KCNAB1: variants seen among roughly 807,000 people sequenced by gnomAD.
The protein encoded by KCNAB1 is voltage-gated potassium channel subunit beta-1.
A neutral mutation model predicts 64.6 loss-of-function variants in KCNAB1; 35 were observed. The ratio of observed to expected loss-of-function variants is 0.54; its 90% confidence interval spans 0.41 to 0.72. The LOEUF (loss-of-function observed/expected upper bound fraction) is 0.72. KCNAB1 is among the 30% of genes least tolerant of loss of function. KCNAB1 has a pLI of 0.00. For missense variants in KCNAB1, 401 were observed against 512.9 expected, an observed-to-expected ratio of 0.78 and a Z score of 2.11; for synonymous variants, 177 against 183.8, an observed-to-expected ratio of 0.96 and a Z score of 0.30.
In KCNAB1 at chr3:156,240,663, A is replaced by C. The variant is rs564593895; in HGVS notation, c.275+119777A>C. ...CCATCCTATCCGCTTCTCCTCACTT[A>C]TTCTCCTGGTTTAATTATGCTCCAA... On this transcript the variant is annotated intron_variant, in intron 1 of 13. Coordinates refer to ENST00000490337, the MANE Select transcript of KCNAB1 (RefSeq NM_172160.3). 7.9e-5 allele frequency among the ~76,000 whole-genome samples: 12 copies of C among 152,276 alleles called. No homozygotes were observed. The East Asian group carries it at 2.1e-3, about 27-fold the overall frequency.
chr3:156,246,472 G>A (rs371546396), intron 1 of KCNAB1, among the ~76,000 whole-genome samples: 29 of 152,026 alleles, frequency 1.9e-4, no homozygotes, highest in Admixed American at 6.5e-4. Context: ...GTGTGGTGGC[G>A]CATGCCTGTA....
chr3:156,211,802 G>A (rs1012453653), intron 1 of KCNAB1, among the ~76,000 whole-genome samples: 1 of 152,206 alleles, frequency 6.6e-6, no homozygotes, highest in East Asian at 1.9e-4. Flanking sequence ...GACAGTCCAG[G>A]TGGTGTCTGA....
chr3:156,321,129 G>C (rs28413487), intron 1 of KCNAB1, among the ~76,000 whole-genome samples: 56,059 of 152,022 alleles, frequency 0.37, 13,165 homozygotes, highest in African/African-American at 0.68. Flanking sequence ...CCAGACCCCT[G>C]TCTGTAGTGC....
intron 13 of KCNAB1, among the ~76,000 whole-genome samples, chr3:156,535,594 C>G (rs1719000603): frequency 6.6e-6 from 1 of 152,188 alleles, no homozygotes; most frequent in South Asian, 2.1e-4. Context: ...ACTTTACACT[C>G]AACACATCCT....
At chr3:156,451,161 A>C (rs1711975839) in intron 2 of KCNAB1, among the ~76,000 whole-genome samples, 1 of 152,232 alleles carries the variant, frequency 6.6e-6, no homozygotes, top group Non-Finnish European at 1.5e-5. Flanking sequence ...AAATCTTCTA[A>C]TTGTTTAAAT....
chr3:156,423,392 A>G (rs1204197061), intron 2 of KCNAB1, among the ~76,000 whole-genome samples: 1 of 152,246 alleles, frequency 6.6e-6, no homozygotes, highest in East Asian at 1.9e-4. Flanking sequence ...TGAGGCTAGT[A>G]GGGCGATTGA....
chr3:156,171,071 A>G (rs1711946849), intron 1 of KCNAB1, among the ~76,000 whole-genome samples: 1 of 152,068 alleles, frequency 6.6e-6, no homozygotes, highest in South Asian at 2.1e-4. Flanking sequence ...TTACCCAATT[A>G]TGTATGTCTA....
At chr3:156,470,201 A>T (rs1344277157) in intron 7 of KCNAB1, among the ~76,000 whole-genome samples, 3 of 152,242 alleles carry the variant, frequency 2.0e-5, no homozygotes, top group African/African-American at 4.8e-5. Context: ...TTCTCCTTAG[A>T]TTCACAAGGA....
intron 1 of KCNAB1, among the ~76,000 whole-genome samples, chr3:156,154,348 G>A (rs1715593632): frequency 6.6e-6 from 1 of 152,008 alleles, no homozygotes; most frequent in Non-Finnish European, 1.5e-5. Flanking sequence ...AATCCCACTG[G>A]CAAGTCCTCT....
chr3:156,279,803 C>A (rs1025460747), intron 1 of KCNAB1, among the ~76,000 whole-genome samples: 1 of 151,878 alleles, frequency 6.6e-6, no homozygotes, highest in Non-Finnish European at 1.5e-5. Flanking sequence ...TGCCCACTTT[C>A]TGATGGGGTT....
chr3:156,367,631 C>T (rs1726031692), intron 1 of KCNAB1, among the ~76,000 whole-genome samples: 1 of 152,170 alleles, frequency 6.6e-6, no homozygotes, highest in Non-Finnish European at 1.5e-5. Flanking sequence ...TTTGAGGAGA[C>T]TTTTCATTTT....
intron 1 of KCNAB1, among the ~76,000 whole-genome samples, chr3:156,224,554 G>GA (rs1226477596): frequency 6.6e-6 from 1 of 152,146 alleles, no homozygotes; most frequent in East Asian, 1.9e-4. Context: ...CCCAGCAGAA[G>GA]AAAAGAAATA....
Position 156,394,979 on chromosome 3 carries a change from G to A in KCNAB1, c.276-26637G>A, listed in dbSNP as rs1713317638. 2.0e-5 allele frequency among the ~76,000 whole-genome samples: 3 copies of A among 152,154 alleles called. No individual in the cohort carries two copies. In the South Asian group the frequency reaches 6.2e-4, roughly 32 times the overall value. The stretch of plus-strand genomic sequence containing the variant: ...ATGATGATTTGTGAACTTCTAAAAT[G>A]CAGGCTCTTCTTAGTATTGTGCATT... On this transcript the variant is annotated intron_variant, in intron 1 of 13. Coordinates refer to ENST00000490337, the MANE Select transcript of KCNAB1 (RefSeq NM_172160.3).
chr3:156,526,552 C>T (rs1460105470), intron 12 of KCNAB1, among the ~76,000 whole-genome samples: 11 of 152,184 alleles, frequency 7.2e-5, no homozygotes, highest in Admixed American at 5.9e-4. Flanking sequence ...TCAGGCTAGA[C>T]ACACGTTGCA....
chr3:156,188,973 C>T (rs1713384069), intron 1 of KCNAB1, among the ~76,000 whole-genome samples: 1 of 152,114 alleles, frequency 6.6e-6, no homozygotes, highest in African/African-American at 2.4e-5. Flanking sequence ...GCCGCTGCTG[C>T]TGGAGTTGGC....
intron 1 of KCNAB1, among the ~76,000 whole-genome samples, chr3:156,123,276 A>G (rs1713457557): frequency 6.6e-6 from 1 of 152,264 alleles, no homozygotes; most frequent in African/African-American, 2.4e-5. Flanking sequence ...GCTATTGGAA[A>G]TAATTCTGTG....
rs771814154 is a variant in KCNAB1, at chr3:156,471,521, G to A, written c.572-3213G>A. Among the ~76,000 whole-genome samples the A allele has an allele frequency of 1.2e-3, 189 of 152,320 alleles. 1 individual carries two copies. The highest frequency in any genetic ancestry group is 3.4e-3 in the Middle Eastern group (1 of 294). On this transcript the variant is annotated intron_variant, in intron 7 of 13. Coordinates refer to ENST00000490337, the MANE Select transcript of KCNAB1 (RefSeq NM_172160.3). The stretch of plus-strand genomic sequence containing the variant: ...CTTTCCACAGACGCTGGGTTAGTGC[G>A]GAGGCACAGGCTAAGGTCAAATAGC...
chr3:156,199,359 G>T (rs888748692), intron 1 of KCNAB1, among the ~76,000 whole-genome samples: 5 of 151,988 alleles, frequency 3.3e-5, no homozygotes, highest in African/African-American at 1.2e-4. Flanking sequence ...TTTGAATGTT[G>T]GTCACCTTGC....
At chr3:156,362,999 C>T (rs974726822) in intron 1 of KCNAB1, among the ~76,000 whole-genome samples, 3 of 152,174 alleles carry the variant, frequency 2.0e-5, no homozygotes, top group African/African-American at 7.2e-5. Flanking sequence ...AGGATGCTGC[C>T]TCCAGAGCTG....
Sources: allele counts gnomAD v4.1 joint callset (sites outside exome capture counted in the v4.1 genomes callset), GRCh38; gene constraint gnomAD v4.1.1; transcripts MANE v1.5; gene names NCBI Gene and HGNC (gene_info 2026-07-23, HGNC 2026-07-21).